The following GALNTL6 variants were observed in gnomAD, a reference collection of about 807,000 sequenced individuals.
GALNTL6 encodes the protein polypeptide N-acetylgalactosaminyltransferase-like 6.
GALNTL6 carries 46 observed loss-of-function variants against 73.7 expected under a neutral mutation model. The observed-to-expected ratio is 0.62, with a 90% CI of 0.49 to 0.80. The LOEUF is 0.80. Ranked by LOEUF, GALNTL6 falls within the 30% of genes least tolerant of loss-of-function variation. The pLI, the probability that GALNTL6 is intolerant of heterozygous loss-of-function variation, is 0.00. For missense variants in GALNTL6, 604 were observed against 755.0 expected (o/e 0.80, Z 2.34); for synonymous variants, 259 against 263.7 (o/e 0.98, Z 0.17).
At chr4:172,374,979 C>T (rs1349960420) in intron 5 of GALNTL6, among the ~76,000 whole-genome samples, 3 of 152,168 alleles carry the variant, frequency 2.0e-5, no homozygotes, top group Admixed American at 1.3e-4. Flanking sequence ...TGGGTTGGGC[C>T]AAATTCCCCT....
At chr4:172,940,144 C>T (rs1006550706) in intron 9 of GALNTL6, among the ~76,000 whole-genome samples, 4 of 149,046 alleles carry the variant, frequency 2.7e-5, no homozygotes, top group Admixed American at 2.0e-4. Context: ...GTAAAGACAA[C>T]GTTATTTTCA....
chr4:172,197,825 C>T (rs1362104075), intron 2 of GALNTL6, among the ~76,000 whole-genome samples: 1 of 152,016 alleles, frequency 6.6e-6, no homozygotes, highest in Admixed American at 6.6e-5. Flanking sequence ...AAACCCAAAA[C>T]TAGGCCGGAC....
At chr4:172,167,961 G>A (rs1373175549) in intron 2 of GALNTL6, among the ~76,000 whole-genome samples, 8 of 107,834 alleles carry the variant, frequency 7.4e-5, no homozygotes, top group African/African-American at 3.3e-4. Context: ...GCGAGACTCC[G>A]TCTCAAAAAA....
At chr4:172,636,246 A>G (rs1739673370) in intron 5 of GALNTL6, among the ~76,000 whole-genome samples, 2 of 152,222 alleles carry the variant, frequency 1.3e-5, no homozygotes, top group Non-Finnish European at 1.5e-5. Flanking sequence ...CCAAATAATG[A>G]CATGTCATTG....
intron 5 of GALNTL6, among the ~76,000 whole-genome samples, chr4:172,492,821 C>G (rs1733943581): frequency 6.6e-6 from 1 of 152,098 alleles, no homozygotes; most frequent in Non-Finnish European, 1.5e-5. Context: ...AGGTTTTAAT[C>G]TTATTTATTA....
At chr4:172,449,472 G>A (rs1732135777) in intron 5 of GALNTL6, among the ~76,000 whole-genome samples, 1 of 152,046 alleles carries the variant, frequency 6.6e-6, no homozygotes, top group Non-Finnish European at 1.5e-5. Flanking sequence ...CAGACTACCT[G>A]TGATTTATAT....
chr4:172,338,076 C>T (rs574153600), intron 4 of GALNTL6, among the ~76,000 whole-genome samples: 1 of 152,228 alleles, frequency 6.6e-6, no homozygotes, highest in Non-Finnish European at 1.5e-5. Flanking sequence ...TGAAAGTCTT[C>T]AACTGTATTT....
At chr4:171,940,007 G>T (rs376770862) in intron 2 of GALNTL6, among the ~76,000 whole-genome samples, 2 of 151,648 alleles carry the variant, frequency 1.3e-5, no homozygotes, top group Non-Finnish European at 2.9e-5. Context: ...TCTTGGATTT[G>T]TTTTTTTTAA....
chr4:172,646,140 C>T (rs956942478), intron 5 of GALNTL6, among the ~76,000 whole-genome samples: 1 of 152,018 alleles, frequency 6.6e-6, no homozygotes, highest in Non-Finnish European at 1.5e-5. Context: ...GTACTATATG[C>T]TATCCAACTT....
chr4:172,423,591 GC>G (rs1010093122), intron 5 of GALNTL6, among the ~76,000 whole-genome samples: 1 of 151,824 alleles, frequency 6.6e-6, no homozygotes, highest in African/African-American at 2.4e-5. Context: ...ATTTAAATTT[GC>G]ATCCTGAAAT....
chr4:172,188,976 C>T (rs1245297337), intron 2 of GALNTL6, among the ~76,000 whole-genome samples: 3 of 152,100 alleles, frequency 2.0e-5, no homozygotes, highest in East Asian at 1.9e-4. Flanking sequence ...TAAATCTCAG[C>T]GAAAGATTGG....
intron 5 of GALNTL6, among the ~76,000 whole-genome samples, chr4:172,701,616 G>A (rs1395325949): frequency 6.6e-6 from 1 of 152,016 alleles, no homozygotes; most frequent in Non-Finnish European, 1.5e-5. Flanking sequence ...GGCTGGTGGC[G>A]ATTTCTAGTT....
chr4:172,934,708 G>T (rs1464743787), intron 9 of GALNTL6, among the ~76,000 whole-genome samples: 2 of 152,214 alleles, frequency 1.3e-5, no homozygotes, highest in Admixed American at 6.5e-5. Context: ...GGATGCTCAT[G>T]TCTAGAGTTG....
At chr4:172,959,973 A>G (rs983488451) in intron 10 of GALNTL6, among the ~76,000 whole-genome samples, 2 of 152,212 alleles carry the variant, frequency 1.3e-5, no homozygotes, top group African/African-American at 4.8e-5. Flanking sequence ...ATACATTGCT[A>G]CTTGGCTGCC....
intron 2 of GALNTL6, among the ~76,000 whole-genome samples, chr4:171,923,768 G>A (rs1270453454): frequency 1.5e-5 from 2 of 136,082 alleles, no homozygotes; most frequent in Non-Finnish European, 3.1e-5. Flanking sequence ...TAGCTACCAG[G>A]ACACACAAAA....
chr4:172,954,301 T>G (rs1749608143), intron 10 of GALNTL6, among the ~76,000 whole-genome samples: 1 of 152,202 alleles, frequency 6.6e-6, no homozygotes, highest in Non-Finnish European at 1.5e-5. Flanking sequence ...AGGTACAACC[T>G]TCCAGGAATA....
At chr4:172,186,997 A>G (rs1735434595) in intron 2 of GALNTL6, among the ~76,000 whole-genome samples, 1 of 152,152 alleles carries the variant, frequency 6.6e-6, no homozygotes, top group Admixed American at 6.5e-5. Context: ...CCCACTAAGT[A>G]GAATATTCAC....
chr4:173,033,632 C>G (rs1163863184), intron 12 of GALNTL6, among the ~76,000 whole-genome samples: 1 of 152,124 alleles, frequency 6.6e-6, no homozygotes, highest in Non-Finnish European at 1.5e-5. Flanking sequence ...CCCCTCCTGC[C>G]CACTCCATTC....
At chr4:171,983,892 G>A (rs1463374055) in intron 2 of GALNTL6, among the ~76,000 whole-genome samples, 4 of 152,166 alleles carry the variant, frequency 2.6e-5, no homozygotes, top group Non-Finnish European at 4.4e-5. Flanking sequence ...AAGTGGAGAA[G>A]GAGGAAAGGA....
Sources: allele counts gnomAD v4.1 joint callset (sites outside exome capture counted in the v4.1 genomes callset), GRCh38; gene constraint gnomAD v4.1.1; transcripts MANE v1.5; gene names NCBI Gene and HGNC (gene_info 2026-07-23, HGNC 2026-07-21).